Variants in DLG5 observed in about 807,000 individuals in gnomAD.
DLG5 encodes discs large MAGUK scaffold protein 5.
DLG5 carries 48 observed loss-of-function variants against 189.8 expected under a neutral mutation model. That is an observed-to-expected ratio of 0.25 (90% CI 0.20 to 0.32). DLG5 has a LOEUF of 0.32. Ranked by LOEUF, DLG5 falls within the 10% of genes least tolerant of loss-of-function variation. The pLI, the probability that DLG5 is intolerant of heterozygous loss-of-function variation, is 1.00. For synonymous variants in DLG5, 1,016 were observed against 1,054.1 expected, an observed-to-expected ratio of 0.96 and a Z score of 0.70; for missense variants, 2,160 against 2,544.7, an observed-to-expected ratio of 0.85 and a Z score of 3.25.
intron 14 of DLG5, among the ~76,000 whole-genome samples, 169 bp downstream of exon 14, chr10:77,824,215 T>A (rs1842503311): frequency 6.6e-6 from 1 of 152,226 alleles, no homozygotes; most frequent in Non-Finnish European, 1.5e-5. Context: ...TGACTGCTGT[T>A]TTTTGATTTC....
intron 5 of DLG5, among the ~76,000 whole-genome samples, chr10:77,853,147 A>AT (rs71030909): frequency 2.6e-3 from 378 of 143,778 alleles, no homozygotes; most frequent in Middle Eastern, 3.6e-3. Context: ...TGTCCAGCTA[A>AT]TTTTTTTTTT....
chr10:77,879,147 AGAG>A (rs1280002353), intron 1 of DLG5, among the ~76,000 whole-genome samples: 1 of 152,174 alleles, frequency 6.6e-6, no homozygotes, highest in Non-Finnish European at 1.5e-5. Context: ...GTGGGGGTGG[AGAG>A]GAGATGTGGC....
chr10:77,809,982 T>C (rs947339940), intron 23 of DLG5, among the ~76,000 whole-genome samples: 1 of 152,190 alleles, frequency 6.6e-6, no homozygotes, highest in Non-Finnish European at 1.5e-5. Flanking sequence ...TCAGTGCCCC[T>C]GCTCCCAGGC....
intron 26 of DLG5, chr10:77,806,071 C>T (rs1375316354): frequency 2.0e-6 from 1 of 508,546 alleles, no homozygotes; most frequent in Non-Finnish European, 3.4e-6. Context: ...CCAGGGCAAG[C>T]TCTCAGAGCA....
At chr10:77,832,070 T>G (rs1842917213) in intron 9 of DLG5, among the ~76,000 whole-genome samples, 1 of 152,030 alleles carries the variant, frequency 6.6e-6, no homozygotes, top group Non-Finnish European at 1.5e-5. Context: ...TAGCCAGGTG[T>G]GGTAACATGC....
chr10:77,807,020 A>G, intron 25 of DLG5, 92 bp from the exon 26 acceptor site: 1 of 1,438,436 alleles, frequency 7.0e-7, no homozygotes, highest in Non-Finnish European at 9.5e-7. Flanking sequence ...TAAGGCTGCC[A>G]TTCTGCTTTG....
At chr10:77,912,532 GCCAGCATGCCCA>G (rs1846253820) in intron 1 of DLG5, 3 of 151,916 alleles carry the variant, frequency 2.0e-5, no homozygotes, top group Non-Finnish European at 4.4e-5. Context: ...ACAGGAACAT[GCCAGCATGCCCA>G]CAAGAATAAT....
intron 13 of DLG5, 115 bp downstream of exon 13, chr10:77,828,767 C>CA (rs1389562245): frequency 5.5e-6 from 5 of 915,254 alleles, no homozygotes; most frequent in Non-Finnish European, 8.5e-6. Flanking sequence ...TCACATAGTA[C>CA]AATGCCCACA....
intron 1 of DLG5, among the ~76,000 whole-genome samples, chr10:77,891,068 A>G (rs1845592737): frequency 6.6e-6 from 1 of 152,124 alleles, no homozygotes; most frequent in Admixed American, 6.5e-5. Context: ...CCGACCCTTC[A>G]GGCCCAGCTC....
At chr10:77,889,470 G>C in intron 1 of DLG5, 1 of 152,232 alleles carries the variant, frequency 6.6e-6, no homozygotes, top group Non-Finnish European at 1.5e-5. Flanking sequence ...CATGACAAAG[G>C]CCACTTGTTT....
At chr10:77,804,629 T>C (rs1283694434) in intron 27 of DLG5, among the ~76,000 whole-genome samples, 1 of 152,228 alleles carries the variant, frequency 6.6e-6, no homozygotes, top group African/African-American at 2.4e-5. Context: ...TAAGGGCCTC[T>C]TGCTTTAAAG....
chr10:77,853,322 A>G, intron 5 of DLG5, 32 bp downstream of exon 5: 4 of 1,445,358 alleles, frequency 2.8e-6, no homozygotes, highest in Non-Finnish European at 2.8e-6. Flanking sequence ...ACTACTTGGG[A>G]GAAATGGCCA....
Position 77,807,922 on chromosome 10 carries a change from T to C in DLG5, c.4670A>G (p.Asn1557Ser). 1 of 1,614,228 alleles carries C rather than the reference T, an allele frequency of 6.2e-7. No homozygotes were observed. The highest frequency in any genetic ancestry group is 1.1e-5 in the South Asian group (1 of 91,080). Residue 1557 changes from asparagine (N) to serine (S), a missense_variant, in exon 25 of 32, where the codon AAC becomes AGC. This residue lies in a region of DLG5 where 574 missense variants were observed against 644.2 expected (regional missense o/e 0.89). Coordinates refer to ENST00000372391, the MANE Select transcript of DLG5 (RefSeq NM_004747.4). ...CACATAGACTTCCTCCACTGTCTTG[T>C]TCCGCACGTCCAGGCTGCCATACTG... ...ILEYGSLDVR[N>S]KTVEEVYVEM... is the part of the protein sequence containing the mutation.
At chr10:77,814,826 C>T (rs149224243) in intron 20 of DLG5, among the ~76,000 whole-genome samples, 95 of 152,248 alleles carry the variant, frequency 6.2e-4, no homozygotes, top group African/African-American at 2.2e-3. Flanking sequence ...CCACCTGCCT[C>T]GGCCTCCTTA....
chr10:77,874,064 C>G (rs1236426711), intron 1 of DLG5, among the ~76,000 whole-genome samples: 4 of 152,242 alleles, frequency 2.6e-5, no homozygotes, highest in African/African-American at 9.6e-5. Flanking sequence ...CGGACTCACA[C>G]GTGTCAGCCA....
chr10:77,821,138 C>G lies in DLG5; in HGVS notation c.3346G>C (p.Ala1116Pro), dbSNP rs1842325858. 2 of 1,614,018 alleles carry G rather than the reference C, an allele frequency of 1.2e-6. No homozygotes were observed. The highest frequency in any genetic ancestry group is 1.7e-6 in the Non-Finnish European group (2 of 1,180,048). ...LGQKRRRPKS[A>P]PSFRPKLAPV... ...GCAAGCTTCGGCCGAAAACTGGGAG[C>G]AGATTTTGGCCGGCGACGCTTCTGC... The change falls in exon 15 of 32, where the codon GCT becomes CCT. Residue 1116 changes from alanine to proline, a missense_variant. Coordinates refer to ENST00000372391, the MANE Select transcript of DLG5 (RefSeq NM_004747.4).
At chr10:77,915,531 C>T (rs529433105) in intron 1 of DLG5, among the ~76,000 whole-genome samples, 2 of 152,230 alleles carry the variant, frequency 1.3e-5, no homozygotes, top group African/African-American at 4.8e-5. Flanking sequence ...TTGGGAAACA[C>T]TGCCTAATAA....
intron 15 of DLG5, chr10:77,820,849 G>A (rs1842309034): frequency 1.9e-6 from 1 of 539,664 alleles, no homozygotes; most frequent in Non-Finnish European, 3.2e-6. Context: ...CAAACCAAAT[G>A]CTATGCCCAA....
chr10:77,831,560 C>T (rs1157798391), intron 9 of DLG5, among the ~76,000 whole-genome samples: 1 of 152,166 alleles, frequency 6.6e-6, no homozygotes, highest in African/African-American at 2.4e-5. Context: ...CAATTTAAGA[C>T]TTAGTATACA....
Sources: allele counts gnomAD v4.1 joint callset (sites outside exome capture counted in the v4.1 genomes callset), GRCh38; gene constraint gnomAD v4.1.1; regional missense constraint gnomAD v4.1.1; transcripts MANE v1.5; gene names NCBI Gene and HGNC (gene_info 2026-07-23, HGNC 2026-07-21).